BRCA1: variants seen among roughly 807,000 people sequenced by gnomAD.
BRCA1 encodes the protein BRCA1 DNA repair associated, also known as breast cancer type 1 susceptibility protein.
Under a neutral mutation model 173.7 loss-of-function variants are expected in BRCA1, and 140 were observed. The ratio of observed to expected loss-of-function variants is 0.81; its 90% CI spans 0.70 to 0.93. BRCA1 has a LOEUF of 0.93. BRCA1 is among the 40% of genes least tolerant of loss of function. The probability of loss-of-function intolerance (pLI) is 0.00; values close to 1 mark genes in which losing one functional copy is unlikely to be tolerated. For missense variants in BRCA1, 1,983 were observed against 2,172.5 expected (o/e 0.91, Z 1.73); for synonymous variants, 662 against 756.0 (o/e 0.88, Z 2.04).
chr17:43,141,970 G>A (rs1472783198), intron 1 of BRCA1, among the ~76,000 whole-genome samples: 1 of 151,904 alleles, frequency 6.6e-6, no homozygotes, highest in African/African-American at 2.4e-5. Context: ...GGTGTGCAGT[G>A]GCCCAGTCTC....
chr17:43,077,477 C>T (rs568489462), intron 12 of BRCA1, among the ~76,000 whole-genome samples: 2 of 151,782 alleles, frequency 1.3e-5, no homozygotes, highest in Non-Finnish European at 2.9e-5. Flanking sequence ...ATTACAGGTG[C>T]CTGCCACCAC....
At chr17:43,059,468 TCAC>T (rs1321827449) in intron 18 of BRCA1, among the ~76,000 whole-genome samples, 1 of 117,828 alleles carries the variant, frequency 8.5e-6, no homozygotes, top group Non-Finnish European at 1.7e-5. Flanking sequence ...CGAGATGCTG[TCAC>T]AACAACAACA....
At position 43,104,902 on chromosome 17, in the gene BRCA1, G is replaced by C. The variant is rs80356963; in HGVS notation, c.267C>G (p.Ile89Met). The change falls in exon 5 of 23, where the codon ATC becomes ATG. Residue 89 changes from isoleucine to methionine, a missense_variant. By Grantham distance (10) the Ile-to-Met change is conservative (BLOSUM62 1). Transcript: ENST00000357654. ...FSQLVEELLK[I>M]ICAFQLDTGL... ...CTGTGTCAAGCTGAAAAGCACAAAT[G>C]ATTTTCAATAGCTCTTCAACAAGTT... The C allele has an allele frequency of 6.2e-7, 1 of 1,613,808 alleles. No homozygotes were observed. The highest frequency in any genetic ancestry group is 1.3e-5 in the African/African-American group (1 of 74,928).
At chr17:43,086,787 T>C (rs1227151502) in intron 11 of BRCA1, among the ~76,000 whole-genome samples, 2 of 152,296 alleles carry the variant, frequency 1.3e-5, no homozygotes, top group African/African-American at 4.8e-5. Flanking sequence ...AAAAGGATCA[T>C]AGGAATTGCA....
In BRCA1 at chr17:43,099,851, A is replaced by G. The variant is rs2154529469; in HGVS notation, c.471T>C (p.Ser157=). Residue 157 remains serine (S), a synonymous_variant, in exon 7 of 23, where the codon TCT becomes TCC. Coordinates refer to ENST00000357654, the MANE Select transcript of BRCA1 (RefSeq NM_007294.4). ...LQETSLSVQL[S]NLGTVRTLRT... ...TCAGAGTTCTCACAGTTCCAAGGTT[A>G]GAGAGTTGGACACTGAGACTGGTTT... 6.2e-7 allele frequency: 1 copy of G among 1,613,162 alleles called. No individual in the cohort carries two copies. Among genetic ancestry groups the G allele is most frequent in the Non-Finnish European group, 8.5e-7 (1 of 1,179,120 alleles).
At chr17:43,147,157 C>T (rs926431790) in intron 1 of BRCA1, among the ~76,000 whole-genome samples, 4 of 152,140 alleles carry the variant, frequency 2.6e-5, no homozygotes, top group Non-Finnish European at 5.9e-5. Context: ...TGCGCCACCG[C>T]GCCCGGCTAA....
At chr17:43,121,155 C>T in intron 2 of BRCA1, among the ~76,000 whole-genome samples, 1 of 152,050 alleles carries the variant, frequency 6.6e-6, no homozygotes, top group African/African-American at 2.4e-5. Flanking sequence ...GCGGGTGGAT[C>T]ACAAGGTCAG....
intron 1 of BRCA1, among the ~76,000 whole-genome samples, chr17:43,146,703 AAAAT>A (rs943136480): frequency 3.3e-5 from 5 of 152,170 alleles, no homozygotes; most frequent in African/African-American, 7.2e-5. Flanking sequence ...AAAAAAAAGA[AAAAT>A]AAGTAATTTT....
intron 12 of BRCA1, among the ~76,000 whole-genome samples, chr17:43,077,735 ATTTATTTATTT>A (rs2052803239): frequency 1.5e-5 from 2 of 134,006 alleles, no homozygotes; most frequent in East Asian, 2.1e-4. Flanking sequence ...ATTTATTTTT[ATTTATTTATTT>A]TTTTTGAGAT....
At chr17:43,096,903 T>C (rs1306466139) in intron 8 of BRCA1, among the ~76,000 whole-genome samples, 1 of 152,104 alleles carries the variant, frequency 6.6e-6, no homozygotes, top group Non-Finnish European at 1.5e-5. Flanking sequence ...TCCTCCACTA[T>C]AAAATGAGAG....
intron 15 of BRCA1, 141 bp from the exon 16 acceptor site, chr17:43,067,836 A>ATTTTT (rs11421283): frequency 0.02 from 4,180 of 214,316 alleles, 18 homozygotes; most frequent in South Asian, 0.05. Flanking sequence ...TTTAAAGTGA[A>ATTTTT]TTTTTTTTTT....
chr17:43,152,124 A>C (rs1158003471), intron 1 of BRCA1, among the ~76,000 whole-genome samples: 2 of 152,242 alleles, frequency 1.3e-5, no homozygotes, highest in Admixed American at 6.5e-5. Context: ...CAGCACCACC[A>C]CATACTTTCA....
intron 3 of BRCA1, among the ~76,000 whole-genome samples, chr17:43,114,955 A>C (rs897217785): frequency 2.0e-5 from 3 of 152,218 alleles, no homozygotes; most frequent in Admixed American, 6.5e-5. Context: ...TATAACTTGA[A>C]TCACTGCTAT....
intron 1 of BRCA1, among the ~76,000 whole-genome samples, chr17:43,131,827 AG>A (rs2055968644): frequency 6.6e-6 from 1 of 151,818 alleles, no homozygotes; most frequent in Admixed American, 6.6e-5. Context: ...TCTGTCATCC[AG>A]GCTGCAGTGC....
chr17:43,163,520 G>A (rs1325494637), intron 1 of BRCA1: 1 of 152,170 alleles, frequency 6.6e-6, no homozygotes, highest in African/African-American at 2.4e-5. Context: ...ATTCTTCGTG[G>A]GACTCCAATT....
chr17:43,045,876 A>C, intron 22 of BRCA1, 74 bp from the exon 23 acceptor site: 1 of 1,595,708 alleles, frequency 6.3e-7, no homozygotes. Flanking sequence ...AATCGACTCC[A>C]GGGTCCTGGT....
At chr17:43,142,111 G>A (rs2056079905) in intron 1 of BRCA1, among the ~76,000 whole-genome samples, 2 of 152,036 alleles carry the variant, frequency 1.3e-5, no homozygotes, top group African/African-American at 2.4e-5. Context: ...ACGGGGTTTT[G>A]CCATGTTGGC....
At chr17:43,125,196 C>T (rs1287894964) in intron 1 of BRCA1, 75 bp downstream of exon 1, 1 of 455,476 alleles carries the variant, frequency 2.2e-6, no homozygotes, top group Non-Finnish European at 4.4e-6. Context: ...CTGTCAGCTT[C>T]GGAAATCCAC....
intron 19 of BRCA1, among the ~76,000 whole-genome samples, chr17:43,053,020 G>A: frequency 6.6e-6 from 1 of 151,872 alleles, no homozygotes; most frequent in East Asian, 1.9e-4. Flanking sequence ...GGGATTACAG[G>A]TGCACACCAC....
Sources: gnomAD v4.1 joint callset for allele counts (sites outside exome capture counted in the v4.1 genomes callset) on GRCh38, gnomAD v4.1.1 for gene constraint, MANE v1.5 for transcripts, NCBI Gene and HGNC (gene_info 2026-07-23, HGNC 2026-07-21) for gene names.